Variants in ADARB2 observed in about 807,000 individuals in gnomAD.
ADARB2 encodes the protein adenosine deaminase RNA specific B2 (inactive), also known as inactive double-stranded RNA-specific editase B2.
Under a neutral mutation model 62.2 loss-of-function variants are expected in ADARB2, and 25 were observed. The observed-to-expected ratio is 0.40, with a 90% CI of 0.29 to 0.56. The LOEUF is 0.56. Ranked by LOEUF, ADARB2 falls within the 20% of genes least tolerant of loss-of-function variation. The pLI, the probability that ADARB2 is intolerant of heterozygous loss-of-function variation, is 0.43. For synonymous variants in ADARB2, 572 were observed against 500.8 expected (o/e 1.14, Z -1.90); for missense variants, 1,071 against 1,077.4 (o/e 0.99, Z 0.08).
chr10:1,583,707 T>C (rs1833136228), intron 1 of ADARB2, among the ~76,000 whole-genome samples: 2 of 152,224 alleles, frequency 1.3e-5, no homozygotes, highest in South Asian at 4.1e-4. Context: ...TCTGAGCAAG[T>C]GATGTTGTGG....
chr10:1,259,265 C>A (rs924391927), intron 4 of ADARB2, among the ~76,000 whole-genome samples: 5 of 152,138 alleles, frequency 3.3e-5, no homozygotes, highest in South Asian at 2.1e-4. Context: ...CAAACACATT[C>A]AAAAGCTAGC....
intron 4 of ADARB2, among the ~76,000 whole-genome samples, chr10:1,243,377 A>G (rs1830946179): frequency 6.6e-6 from 1 of 152,258 alleles, no homozygotes; most frequent in South Asian, 2.1e-4. Context: ...ATGTCACGCC[A>G]GAAGCAGGCC....
chr10:1,537,788 AACATC>A (rs1256672319), intron 1 of ADARB2, among the ~76,000 whole-genome samples: 1 of 152,106 alleles, frequency 6.6e-6, no homozygotes, highest in Non-Finnish European at 1.5e-5. Context: ...CAGGGAGGGG[AACATC>A]ACACACCGGG....
In ADARB2 at chr10:1,290,059, A is replaced by G. The variant is rs76762186; in HGVS notation, c.1078-18990T>C. 1,451 of 152,398 alleles carry G rather than the reference A, an allele frequency of 9.5e-3. 9 individuals are homozygous for G. The highest frequency in any genetic ancestry group is 0.014 in the Non-Finnish European group (937 of 68,060). 9.4% of individuals were successfully genotyped at this position (152,398 alleles called of 1,614,324 possible). A position where few individuals can be genotyped will look rare whatever the true frequency, so the allele number is the denominator to read the frequency against. ...TTAATCCGACATAATTAGTTACAGT[A>G]AAGAATCCATCTAGGGAAAATGAAG... is the stretch of plus-strand genomic sequence containing the variant. On this transcript the variant is annotated intron_variant, in intron 3 of 9. Transcript: ENST00000381312.
intron 3 of ADARB2, among the ~76,000 whole-genome samples, chr10:1,280,664 T>G (rs1487641108): frequency 6.6e-6 from 1 of 151,816 alleles, no homozygotes; most frequent in Non-Finnish European, 1.5e-5. Flanking sequence ...TCCGTGATAT[T>G]CCTGAGTGAT....
chr10:1,569,830 C>T (rs1444314915), intron 1 of ADARB2, among the ~76,000 whole-genome samples: 4 of 151,960 alleles, frequency 2.6e-5, no homozygotes, highest in South Asian at 4.1e-4. Flanking sequence ...TTATAAATGA[C>T]GTCCTAAAAG....
At chr10:1,263,376 G>C (rs926165171) in intron 4 of ADARB2, among the ~76,000 whole-genome samples, 2 of 152,182 alleles carry the variant, frequency 1.3e-5, no homozygotes, top group Non-Finnish European at 2.9e-5. Context: ...GTAAACACTG[G>C]ATGCTAGTGT....
intron 3 of ADARB2, chr10:1,292,551 A>T (rs948643195): frequency 6.6e-6 from 1 of 152,144 alleles, no homozygotes; most frequent in Admixed American, 6.6e-5. Flanking sequence ...AGGAATCAAA[A>T]TGTCTGTATC....
chr10:1,642,668 C>T (rs1006871077), intron 1 of ADARB2, among the ~76,000 whole-genome samples: 3 of 152,116 alleles, frequency 2.0e-5, no homozygotes, highest in African/African-American at 7.2e-5. Context: ...AGCGAATTAG[C>T]TCAAGGCCAT....
chr10:1,289,522 A>G (rs1333172767), intron 3 of ADARB2, among the ~76,000 whole-genome samples: 1 of 152,220 alleles, frequency 6.6e-6, no homozygotes, highest in Admixed American at 6.5e-5. Context: ...ACCGTCAGGA[A>G]GCCCGAGTCT....
intron 1 of ADARB2, among the ~76,000 whole-genome samples, chr10:1,730,823 A>T (rs1835220758): frequency 6.6e-6 from 1 of 152,224 alleles, no homozygotes; most frequent in Admixed American, 6.5e-5. Flanking sequence ...TTTAAAACAG[A>T]TGATACTAAA....
intron 1 of ADARB2, among the ~76,000 whole-genome samples, chr10:1,570,962 A>G (rs760985120): frequency 2.6e-5 from 4 of 152,152 alleles, no homozygotes; most frequent in Non-Finnish European, 5.9e-5. Flanking sequence ...CTCAGGGCAA[A>G]CACCTGCTGG....
chr10:1,654,789 G>T (rs187795393), intron 1 of ADARB2, among the ~76,000 whole-genome samples: 56 of 152,362 alleles, frequency 3.7e-4, no homozygotes, highest in African/African-American at 1.3e-3. Context: ...GGCCCTGCAT[G>T]CTTCTGTGTG....
intron 1 of ADARB2, among the ~76,000 whole-genome samples, chr10:1,521,822 A>G (rs1588286370): frequency 1.0e-5 from 1 of 95,926 alleles, no homozygotes; most frequent in Non-Finnish European, 1.9e-5. Context: ...AAGTTTTTCC[A>G]CCTTTCTGGA....
intron 4 of ADARB2, among the ~76,000 whole-genome samples, chr10:1,249,132 G>C (rs1421001624): frequency 6.6e-6 from 1 of 152,174 alleles, no homozygotes; most frequent in African/African-American, 2.4e-5. Flanking sequence ...TCTGAAATGT[G>C]ATAATCAGTT....
intron 1 of ADARB2, among the ~76,000 whole-genome samples, chr10:1,601,156 T>C (rs1021837338): frequency 1.3e-5 from 2 of 152,194 alleles, no homozygotes; most frequent in Non-Finnish European, 2.9e-5. Flanking sequence ...TCCCGTCCTC[T>C]TTGGAACACC....
At chr10:1,518,159 G>A (rs960223023) in intron 1 of ADARB2, among the ~76,000 whole-genome samples, 4 of 152,204 alleles carry the variant, frequency 2.6e-5, no homozygotes, top group Non-Finnish European at 4.4e-5. Flanking sequence ...CGATGGATCC[G>A]AAACTCCCCG....
At chr10:1,670,876 C>A (rs1834375883) in intron 1 of ADARB2, among the ~76,000 whole-genome samples, 1 of 152,060 alleles carries the variant, frequency 6.6e-6, no homozygotes, top group African/African-American at 2.4e-5. Context: ...AAAAACGCTT[C>A]CAGACAATGG....
chr10:1,430,305 G>A (rs1830766415), intron 1 of ADARB2, among the ~76,000 whole-genome samples: 1 of 152,148 alleles, frequency 6.6e-6, no homozygotes, highest in Non-Finnish European at 1.5e-5. Flanking sequence ...GTAAGCCACA[G>A]TAATGCAAAA....
Sources: gnomAD v4.1 joint callset for allele counts (sites outside exome capture counted in the v4.1 genomes callset) on GRCh38, gnomAD v4.1.1 for gene constraint, MANE v1.5 for transcripts, NCBI Gene and HGNC (gene_info 2026-07-23, HGNC 2026-07-21) for gene names.